The following CCDC3 variants were observed in gnomAD, a reference collection of about 807,000 sequenced individuals.
CCDC3 encodes the protein coiled-coil domain containing 3.
CCDC3 carries 24 observed loss-of-function variants against 21.4 expected under a neutral mutation model. The observed-to-expected ratio is 1.12, with a 90% CI of 0.81 to 1.58. The LOEUF (loss-of-function observed/expected upper bound fraction) is 1.58. CCDC3 is among the 40% of genes most tolerant of loss of function. The pLI is 0.00. For missense variants in CCDC3, 425 were observed against 360.9 expected (o/e 1.18, Z -1.44); for synonymous variants, 186 against 166.0 (o/e 1.12, Z -0.93).
At chr10:13,082,253 C>T (rs985584718) in intron 3 of CCDC3, among the ~76,000 whole-genome samples, 3 of 152,212 alleles carry the variant, frequency 2.0e-5, no homozygotes, top group African/African-American at 4.8e-5. Context: ...GAGCCATCTC[C>T]AATGATAGGT....
At chr10:12,922,365 C>G (rs1218060295) in intron 2 of CCDC3, among the ~76,000 whole-genome samples, 2 of 151,854 alleles carry the variant, frequency 1.3e-5, no homozygotes, top group East Asian at 4.1e-4. Flanking sequence ...GCCCTGCATC[C>G]CACCCTCCCA....
chr10:12,989,039 T>C (rs1331861893), intron 2 of CCDC3, among the ~76,000 whole-genome samples: 1 of 152,136 alleles, frequency 6.6e-6, no homozygotes, highest in Non-Finnish European at 1.5e-5. Flanking sequence ...CTCTCCAAAG[T>C]CCAGATCGAG....
intron 2 of CCDC3, among the ~76,000 whole-genome samples, chr10:12,973,073 G>A (rs1311682714): frequency 1.3e-5 from 2 of 152,202 alleles, no homozygotes; most frequent in Non-Finnish European, 2.9e-5. Context: ...CAATGTGGCA[G>A]CTACCATTGA....
chr10:12,926,347 CT>C (rs1352354428), intron 2 of CCDC3, among the ~76,000 whole-genome samples: 1 of 152,202 alleles, frequency 6.6e-6, no homozygotes, highest in Non-Finnish European at 1.5e-5. Flanking sequence ...TTGAGCTGAA[CT>C]TAAGCATGGC....
chr10:13,024,988 G>C (rs952787188), intron 5 of CCDC3, among the ~76,000 whole-genome samples: 2 of 152,034 alleles, frequency 1.3e-5, no homozygotes, highest in Admixed American at 6.6e-5. Context: ...GTTATTACAG[G>C]ACCTCACTTT....
intron 3 of CCDC3, among the ~76,000 whole-genome samples, chr10:13,079,136 C>T (rs1322493102): frequency 6.6e-6 from 1 of 152,180 alleles, no homozygotes; most frequent in African/African-American, 2.4e-5. Context: ...TGTCTAAATG[C>T]TGATTTTTCC....
upstream of CCDC3, among the ~76,000 whole-genome samples, chr10:13,006,316 A>T (rs1165327560): frequency 6.6e-6 from 1 of 152,224 alleles, no homozygotes; most frequent in African/African-American, 2.4e-5. Flanking sequence ...TACGAAGCAA[A>T]TGCTGGGAGA....
At chr10:12,976,154 G>A (rs560190049) in intron 2 of CCDC3, among the ~76,000 whole-genome samples, 7 of 152,304 alleles carry the variant, frequency 4.6e-5, no homozygotes, top group Non-Finnish European at 5.9e-5. Context: ...CTAGAGACCC[G>A]GCCTTGGCCC....
intron 3 of CCDC3, among the ~76,000 whole-genome samples, chr10:13,079,538 G>T (rs1837007562): frequency 6.6e-6 from 1 of 150,842 alleles, no homozygotes; most frequent in South Asian, 2.2e-4. Flanking sequence ...AGCAGGAGCG[G>T]TAAAGCATTC....
chr10:12,976,832 G>A (rs1271173740), intron 2 of CCDC3, among the ~76,000 whole-genome samples: 1 of 152,162 alleles, frequency 6.6e-6, no homozygotes, highest in Non-Finnish European at 1.5e-5. Flanking sequence ...TACCAAGAGT[G>A]AACCCTAAAC....
At chr10:12,922,898 C>T (rs1160599976) in intron 2 of CCDC3, among the ~76,000 whole-genome samples, 6 of 152,120 alleles carry the variant, frequency 3.9e-5, no homozygotes, top group South Asian at 2.1e-4. Flanking sequence ...CGGAGCCTTC[C>T]GGACTCAGGA....
chr10:13,031,314 C>T (rs1836297476), intron 5 of CCDC3, among the ~76,000 whole-genome samples: 1 of 152,050 alleles, frequency 6.6e-6, no homozygotes, highest in African/African-American at 2.4e-5. Context: ...ATAGACACAA[C>T]ATACCAGAAT....
At chr10:13,016,059 C>T (rs1836054657) in intron 5 of CCDC3, among the ~76,000 whole-genome samples, 1 of 151,804 alleles carries the variant, frequency 6.6e-6, no homozygotes, top group South Asian at 2.1e-4. Flanking sequence ...TCATGTAATC[C>T]ATAAATATAT....
At chr10:13,006,335 T>G (rs1428836487), upstream of CCDC3, among the ~76,000 whole-genome samples, 5 of 152,312 alleles carry the variant, frequency 3.3e-5, no homozygotes, top group East Asian at 9.6e-4. Flanking sequence ...GACATATCAA[T>G]TTGCTCCAGG....
intron 2 of CCDC3, among the ~76,000 whole-genome samples, chr10:12,974,433 C>T (rs1038744054): frequency 1.2e-4 from 18 of 152,200 alleles, no homozygotes. Flanking sequence ...TTGTTATCTC[C>T]AGGAGCAGAG....
chr10:12,934,750 TA>T (rs1834708162), intron 2 of CCDC3, among the ~76,000 whole-genome samples: 1 of 152,170 alleles, frequency 6.6e-6, no homozygotes, highest in Non-Finnish European at 1.5e-5. Flanking sequence ...AAAATTAATA[TA>T]GCTACTCCTG....
intron 2 of CCDC3, among the ~76,000 whole-genome samples, chr10:12,996,133 G>A (rs916759949): frequency 1.3e-5 from 2 of 152,212 alleles, no homozygotes; most frequent in African/African-American, 4.8e-5. Flanking sequence ...GGATGCTCAG[G>A]CTTAGACTTG....
At position 12,973,372 on chromosome 10, in the gene CCDC3, C is replaced by T. The variant is rs534494090; in HGVS notation, c.549+24966G>A. Among the ~76,000 whole-genome samples, 19 of 152,104 alleles carry T rather than the reference C, an allele frequency of 1.2e-4. No individual in the cohort carries two copies. In the East Asian group the frequency reaches 3.5e-3, roughly 28 times the overall value. On this transcript the variant is annotated intron_variant, in intron 2 of 2. Coordinates refer to ENST00000378825, the MANE Select transcript of CCDC3 (RefSeq NM_031455.4). ...GCTGAATGGAGGGGGAGGAGGCTCTCCAGAGAGACTAACCAATGGGGGAAG... is the reference window on the plus strand; with the variant it reads ...GCTGAATGGAGGGGGAGGAGGCTCTTCAGAGAGACTAACCAATGGGGGAAG...
intron 2 of CCDC3, among the ~76,000 whole-genome samples, chr10:12,972,181 C>T (rs1188896387): frequency 1.3e-5 from 2 of 152,158 alleles, no homozygotes; most frequent in Admixed American, 6.5e-5. Flanking sequence ...CCCACACATG[C>T]CCTTAAACTC....
Sources: allele counts gnomAD v4.1 joint callset (sites outside exome capture counted in the v4.1 genomes callset), GRCh38; gene constraint gnomAD v4.1.1; transcripts MANE v1.5; gene names NCBI Gene and HGNC (gene_info 2026-07-23, HGNC 2026-07-21).